The following GPHN variants were observed in gnomAD, a reference collection of about 807,000 sequenced individuals.
GPHN encodes the protein gephyrin.
GPHN carries 17 observed loss-of-function variants against 95.5 expected under a neutral mutation model. That is an observed-to-expected ratio of 0.18 (90% CI 0.12 to 0.27). GPHN has a LOEUF of 0.27. Ranked by LOEUF, GPHN falls within the 10% of genes least tolerant of loss-of-function variation. GPHN has a pLI of 1.00. For synonymous variants in GPHN, 320 were observed against 322.5 expected, an observed-to-expected ratio of 0.99 and a Z score of 0.08; for missense variants, 660 against 978.1, an observed-to-expected ratio of 0.67 and a Z score of 4.34.
chr14:66,782,973 A>T (rs933532791), intron 3 of GPHN, among the ~76,000 whole-genome samples: 2 of 152,162 alleles, frequency 1.3e-5, no homozygotes, highest in African/African-American at 4.8e-5. Flanking sequence ...GGGTTTCCTT[A>T]TTATCTCCTG....
the GPHN span, among the ~76,000 whole-genome samples, chr14:67,654,671 T>C: frequency 6.6e-6 from 1 of 152,180 alleles, no homozygotes; most frequent in African/African-American, 2.4e-5. Flanking sequence ...GGCCACAGTA[T>C]GTTTTTCAAA....
the GPHN span, among the ~76,000 whole-genome samples, chr14:67,654,431 G>A: frequency 1.3e-5 from 2 of 152,020 alleles, no homozygotes; most frequent in African/African-American, 2.4e-5. Context: ...GTGTAAGCCC[G>A]GCCTCCTTGG....
chr14:67,394,698 T>G, the GPHN span, among the ~76,000 whole-genome samples: 1 of 152,192 alleles, frequency 6.6e-6, no homozygotes, highest in Non-Finnish European at 1.5e-5. Context: ...GTGGTTTGAA[T>G]GTTTATCCCA....
chr14:67,515,708 A>G, the GPHN span, among the ~76,000 whole-genome samples: 1 of 152,176 alleles, frequency 6.6e-6, no homozygotes, highest in East Asian at 1.9e-4. Context: ...AGTGTCTGTC[A>G]GGCCCGGAGC....
At chr14:67,508,767 A>AAAAAAAAAAAAAAAAAAC in the GPHN span, among the ~76,000 whole-genome samples, 1 of 150,882 alleles carries the variant, frequency 6.6e-6, no homozygotes, top group Non-Finnish European at 1.5e-5. Context: ...AAAAAAAAAA[A>AAAAAAAAAAAAAAAAAAC]AAAACAGAAG....
intron 1 of GPHN, among the ~76,000 whole-genome samples, chr14:66,599,052 A>G (rs2062108237): frequency 6.6e-6 from 1 of 151,710 alleles, no homozygotes; most frequent in Non-Finnish European, 1.5e-5. Context: ...ATCCTCGGTA[A>G]TTTTTTTTAC....
At chr14:67,562,986 G>A in the GPHN span, 1 of 1,315,194 alleles carries the variant, frequency 7.6e-7, no homozygotes, top group Non-Finnish European at 1.0e-6. Context: ...CAGGAGAGGA[G>A]GCTGCTGGCA....
At chr14:67,570,366 G>A in the GPHN span, 27 of 870,768 alleles carry the variant, frequency 3.1e-5, no homozygotes, top group African/African-American at 2.9e-4. Context: ...TTCCCGTAAC[G>A]TCACTACATT....
the GPHN span, among the ~76,000 whole-genome samples, chr14:67,475,070 CA>C: frequency 7.4e-3 from 1,127 of 152,156 alleles, 14 homozygotes; most frequent in African/African-American, 0.026. Context: ...CACACACCAT[CA>C]TGCCCGGCTA....
At chr14:66,546,441 G>A (rs2140128164) in intron 1 of GPHN, among the ~76,000 whole-genome samples, 1 of 152,204 alleles carries the variant, frequency 6.6e-6, no homozygotes, top group Admixed American at 6.5e-5. Flanking sequence ...GGAGGTTGTA[G>A]TGAGCCGAGA....
intron 1 of GPHN, among the ~76,000 whole-genome samples, chr14:66,542,882 C>A (rs117080212): frequency 6.6e-6 from 1 of 152,080 alleles, no homozygotes; most frequent in Non-Finnish European, 1.5e-5. Flanking sequence ...GAAATGCCTG[C>A]GACTAGGTAA....
At chr14:67,483,104 G>A in the GPHN span, among the ~76,000 whole-genome samples, 1 of 152,036 alleles carries the variant, frequency 6.6e-6, no homozygotes, top group East Asian at 1.9e-4. Context: ...TCTGTCGCCC[G>A]GGTTCAAGCA....
intron 11 of GPHN, 150 bp from the exon 12 acceptor site, chr14:67,088,833 A>C (rs1003996692): frequency 4.5e-6 from 3 of 673,434 alleles, no homozygotes; most frequent in Non-Finnish European, 8.2e-6. Flanking sequence ...CATCTCTTCT[A>C]TCTCCTGTTT....
At chr14:67,155,262 A>G (rs1030934243) in intron 18 of GPHN, among the ~76,000 whole-genome samples, 1 of 152,214 alleles carries the variant, frequency 6.6e-6, no homozygotes, top group African/African-American at 2.4e-5. Context: ...TCAATCCCTG[A>G]TTAGATCAAG....
intron 2 of GPHN, among the ~76,000 whole-genome samples, chr14:66,713,618 C>A (rs1391298331): frequency 1.3e-5 from 2 of 151,272 alleles, no homozygotes; most frequent in African/African-American, 4.9e-5. Context: ...TATGCGGGCT[C>A]TTTTTTGGTT....
At chr14:67,359,869 TG>T in the GPHN span, 1 of 710,886 alleles carries the variant, frequency 1.4e-6, no homozygotes, top group Non-Finnish European at 2.3e-6. Context: ...CGCTTCCGGT[TG>T]TCACAGGCGA....
At chr14:67,397,928 GAAAT>G in the GPHN span, 1 of 898,450 alleles carries the variant, frequency 1.1e-6, no homozygotes, top group Admixed American at 2.8e-5. Flanking sequence ...CTGTGCTGTG[GAAAT>G]CAGTCTCCAA....
At chr14:67,206,366 G>A in the GPHN span, among the ~76,000 whole-genome samples, 1 of 151,226 alleles carries the variant, frequency 6.6e-6, no homozygotes, top group African/African-American at 2.4e-5. Flanking sequence ...TGTGGTAGTG[G>A]GTGCCTGTAA....
chr14:66,958,575 G>A (rs2068687912), intron 8 of GPHN, among the ~76,000 whole-genome samples: 1 of 152,176 alleles, frequency 6.6e-6, no homozygotes, highest in Non-Finnish European at 1.5e-5. Context: ...GTCCTAGGCT[G>A]CAAACCTGTA....
Sources: allele counts gnomAD v4.1 joint callset (sites outside exome capture counted in the v4.1 genomes callset), GRCh38; gene constraint gnomAD v4.1.1; transcripts MANE v1.5; gene names NCBI Gene and HGNC (gene_info 2026-07-23, HGNC 2026-07-21).